EHD4: variants seen among roughly 807,000 people sequenced by gnomAD.
EHD4 encodes EH domain containing 4.
Under a neutral mutation model 51.0 loss-of-function variants are expected in EHD4, and 37 were observed. The ratio of observed to expected loss-of-function variants is 0.73; its 90% CI spans 0.56 to 0.95. The LOEUF is 0.95. EHD4 is among the 40% of genes least tolerant of loss of function. EHD4 has a pLI of 0.00. For synonymous variants in EHD4, 297 were observed against 317.3 expected (o/e 0.94, Z 0.68); for missense variants, 632 against 733.1 (o/e 0.86, Z 1.59).
intron 1 of EHD4, among the ~76,000 whole-genome samples, chr15:41,962,591 A>C (rs2067931622): frequency 6.6e-6 from 1 of 151,200 alleles, no homozygotes; most frequent in Non-Finnish European, 1.5e-5. Flanking sequence ...TTTTACTTCC[A>C]GGTGGGTTAA....
At chr15:41,966,016 A>T (rs542229713) in intron 1 of EHD4, among the ~76,000 whole-genome samples, 2 of 146,618 alleles carry the variant, frequency 1.4e-5, no homozygotes, top group Non-Finnish European at 3.0e-5. Flanking sequence ...GCTCTTCAGG[A>T]CTTTTGCTCC....
At chr15:41,918,453 C>T (rs562498944) in intron 4 of EHD4, among the ~76,000 whole-genome samples, 1 of 152,296 alleles carries the variant, frequency 6.6e-6, no homozygotes, top group African/African-American at 2.4e-5. Flanking sequence ...TTTAAAGAGC[C>T]ATTTTTTTCT....
At chr15:41,922,578 T>A (rs763631405) in intron 3 of EHD4, among the ~76,000 whole-genome samples, 45 of 152,228 alleles carry the variant, frequency 3.0e-4, no homozygotes, top group Non-Finnish European at 5.3e-4. Flanking sequence ...GCCGTGCAGA[T>A]GCAGTCTCTC....
Position 41,943,130 on chromosome 15 carries a change from T to G in EHD4, c.448A>C (p.Lys150Gln). 1 of 1,594,558 alleles carries G rather than the reference T, an allele frequency of 6.3e-7. No homozygotes were observed. Among genetic ancestry groups the G allele is most frequent in the Non-Finnish European group, 8.5e-7 (1 of 1,170,626 alleles). Reference protein sequence around the residue: ...MCSQLPNQVLKSISVIDSPGI... With the variant: ...MCSQLPNQVLQSISVIDSPGI... ...GGGCTGTCGATGACGCTGATGCTCT[T>G]CAGGACCTGATTGGGGAGCTGTGAG... Residue 150 changes from lysine (K) to glutamine (Q), a missense_variant, in exon 3 of 6, where the codon AAG becomes CAG. Physicochemically the swap from Lys to Gln is moderately conservative, Grantham distance 53 (BLOSUM62 1). Coordinates refer to ENST00000220325, the MANE Select transcript of EHD4 (RefSeq NM_139265.4).
intron 3 of EHD4, among the ~76,000 whole-genome samples, chr15:41,926,790 T>C (rs1308962933): frequency 2.0e-5 from 3 of 152,218 alleles, no homozygotes; most frequent in African/African-American, 7.2e-5. Context: ...GCTCTGCTGT[T>C]CCGCAGCAGC....
At position 41,900,419 on chromosome 15, in the gene EHD4, A is replaced by G. The variant is rs776754596; in HGVS notation, c.*226T>C. ...ATTTCTCTTTCTTCTCAACCCTTCA[A>G]TCTCCTAATCCACCCCCCTACCCCC... On this transcript the variant is annotated 3_prime_UTR_variant, in exon 6 of 6. Transcript: ENST00000220325. This position sits in a 1 kb window ranked among gnomAD's most constrained non-coding sequence, Gnocchi z 4.8. 1.5e-4 allele frequency: 88 copies of G among 568,364 alleles called. No individual in the cohort carries two copies. The highest frequency in any genetic ancestry group is 2.4e-4 in the Non-Finnish European group (77 of 323,314). 35.2% of individuals were successfully genotyped at this position (568,364 alleles called of 1,614,324 possible). A position where few individuals can be genotyped will look rare whatever the true frequency, so the allele number is the denominator to read the frequency against.
chr15:41,937,015 A>G (rs1226693000), intron 3 of EHD4, among the ~76,000 whole-genome samples: 3 of 152,230 alleles, frequency 2.0e-5, no homozygotes, highest in Non-Finnish European at 4.4e-5. Context: ...CCAGGGATGG[A>G]CACTTTTCTG....
chr15:41,943,405 C>T (rs1194774168), intron 2 of EHD4, among the ~76,000 whole-genome samples: 1 of 152,208 alleles, frequency 6.6e-6, no homozygotes, highest in Non-Finnish European at 1.5e-5. Flanking sequence ...ATGAGAGGTG[C>T]ACAAGCACCT....
intron 3 of EHD4, among the ~76,000 whole-genome samples, chr15:41,930,211 T>G (rs2140993571): frequency 6.6e-6 from 1 of 152,058 alleles, no homozygotes; most frequent in African/African-American, 2.4e-5. Flanking sequence ...TCTGATATTA[T>G]TATATATTAG....
rs1389348452 is a variant in EHD4 at position 41,953,818 on chromosome 15, T to A, written c.359A>T (p.Asp120Val). 6.2e-7 allele frequency: 1 copy of A among 1,613,452 alleles called. No homozygotes were observed. The highest frequency in any genetic ancestry group is 2.2e-5 in the East Asian group (1 of 44,850). The change falls in exon 2 of 6, where the codon GAC (aspartate) becomes GTC (valine). Residue 120 changes from aspartate to valine, a missense_variant. Asp to Val is a radical substitution (Grantham distance 152, BLOSUM62 -3). Transcript: ENST00000220325. Reference protein sequence around the residue: ...GSTPGNALVVDPKKPFRKLSR... With the variant: ...GSTPGNALVVVPKKPFRKLSR... Reference sequence around the variant, plus strand: ...GAGCTTTCTAAACGGCTTTTTGGGGTCCACGACTAAAGCATTCCCTGGGGT... The same window carrying A: ...GAGCTTTCTAAACGGCTTTTTGGGGACCACGACTAAAGCATTCCCTGGGGT...
chr15:41,950,918 A>G (rs900538765), intron 2 of EHD4, among the ~76,000 whole-genome samples: 1 of 152,226 alleles, frequency 6.6e-6, no homozygotes, highest in Non-Finnish European at 1.5e-5. Context: ...AATAATGTAC[A>G]TGAAATTACG....
At position 41,965,435 on chromosome 15, in the gene EHD4, A is replaced by G. The variant is rs568615769; in HGVS notation, c.236+6824T>C. Among the ~76,000 whole-genome samples, 9 of 152,356 alleles carry G rather than the reference A, an allele frequency of 5.9e-5. No homozygotes were observed. The South Asian group carries it at 1.9e-3, about 32-fold the overall frequency. ...GGGGTTTGGAACGGATGGAAGGTTCAGCAAAGTCAGCCTCCCTTTTCTGGG... is the reference window on the plus strand; with the variant it reads ...GGGGTTTGGAACGGATGGAAGGTTCGGCAAAGTCAGCCTCCCTTTTCTGGG... On this transcript the variant is annotated intron_variant, in intron 1 of 5. Transcript: ENST00000220325.
intron 1 of EHD4, among the ~76,000 whole-genome samples, chr15:41,967,404 C>G (rs958132417): frequency 1.3e-5 from 2 of 152,166 alleles, no homozygotes; most frequent in Non-Finnish European, 2.9e-5. Context: ...TGGCCCCAAC[C>G]CTGAAATCAA....
intron 3 of EHD4, among the ~76,000 whole-genome samples, chr15:41,922,457 T>G (rs2067632764): frequency 6.6e-6 from 1 of 152,140 alleles, no homozygotes; most frequent in East Asian, 1.9e-4. Context: ...CATTTAAGAT[T>G]TCGGAATACC....
At chr15:41,954,323 A>T (rs185049488) in intron 1 of EHD4, among the ~76,000 whole-genome samples, 122 of 152,244 alleles carry the variant, frequency 8.0e-4, no homozygotes, top group Non-Finnish European at 1.1e-3. Context: ...ATGAGGGCAG[A>T]CTCATGTCCC....
intron 3 of EHD4, among the ~76,000 whole-genome samples, chr15:41,933,413 A>G (rs1052282821): frequency 6.6e-6 from 1 of 152,218 alleles, no homozygotes. Context: ...AGATTCTCGT[A>G]AGATCCCACT....
intron 1 of EHD4, among the ~76,000 whole-genome samples, chr15:41,956,189 A>G (rs1489855150): frequency 2.6e-5 from 4 of 152,224 alleles, no homozygotes. Flanking sequence ...GGTCACACAC[A>G]CTGATTAAAG....
At position 41,907,043 on chromosome 15, in the gene EHD4, G is replaced by C. The variant is rs142021774; in HGVS notation, c.1089+2656C>G. 2.1e-3 allele frequency among the ~76,000 whole-genome samples: 313 copies of C among 152,216 alleles called. 1 individual carries two copies. The highest frequency in any genetic ancestry group is 6.1e-3 in the African/African-American group (255 of 41,538). On this transcript the variant is annotated intron_variant, in intron 5 of 5. Coordinates refer to ENST00000220325, the MANE Select transcript of EHD4 (RefSeq NM_139265.4). ...GTGTCTTCTGACCTGGCCAGCCCAG[G>C]CTAGCTTTGTCATGAGTAGCTCTGG...
chr15:41,924,932 T>G (rs764250073), intron 3 of EHD4, among the ~76,000 whole-genome samples: 2 of 151,610 alleles, frequency 1.3e-5, no homozygotes, highest in Admixed American at 6.6e-5. Flanking sequence ...TTTTGGCAGA[T>G]ACCTGTAATC....
Sources: gnomAD v4.1 joint callset for allele counts (sites outside exome capture counted in the v4.1 genomes callset) on GRCh38, gnomAD v4.1.1 for gene constraint, Gnocchi (gnomAD v3.1) non-coding constraint, MANE v1.5 for transcripts, NCBI Gene and HGNC (gene_info 2026-07-23, HGNC 2026-07-21) for gene names.